UGT1A9: variants seen among roughly 807,000 people sequenced by gnomAD.
The protein encoded by UGT1A9 is UDP-glucuronosyltransferase 1A9.
A neutral mutation model predicts 45.0 loss-of-function variants in UGT1A9; 35 were observed. That is an observed-to-expected ratio of 0.78 (90% confidence interval 0.59 to 1.03). The LOEUF is 1.03. UGT1A9 is among the 50% of genes least tolerant of loss of function. The pLI is 0.00. For missense variants in UGT1A9, 687 were observed against 666.6 expected, an observed-to-expected ratio of 1.03 and a Z score of -0.34; for synonymous variants, 278 against 250.6, an observed-to-expected ratio of 1.11 and a Z score of -1.03.
intron 1 of UGT1A9, among the ~76,000 whole-genome samples, chr2:233,723,239 T>G (rs1575545383): frequency 9.2e-6 from 1 of 108,658 alleles, no homozygotes; most frequent in African/African-American, 4.5e-5. Context: ...TGAGTTGGAG[T>G]CCTGCTGTCA....
intron 1 of UGT1A9, among the ~76,000 whole-genome samples, chr2:233,724,704 C>T (rs867669613): frequency 2.8e-5 from 4 of 144,994 alleles, no homozygotes; most frequent in Non-Finnish European, 6.0e-5. Flanking sequence ...AGACGCTCCT[C>T]GCTTTCCAGA....
At chr2:233,706,491 C>T (rs1051285844) in intron 1 of UGT1A9, among the ~76,000 whole-genome samples, 1 of 152,182 alleles carries the variant, frequency 6.6e-6, no homozygotes, top group Non-Finnish European at 1.5e-5. Context: ...TGAGGGTGTC[C>T]AGGCTGGTGT....
At chr2:233,739,607 G>C (rs1198320819) in intron 1 of UGT1A9, among the ~76,000 whole-genome samples, 2 of 152,134 alleles carry the variant, frequency 1.3e-5, no homozygotes, top group Non-Finnish European at 2.9e-5. Context: ...CCTTTGTTTT[G>C]GCCAGTTTCT....
chr2:233,685,046 A>G (rs2125530867), intron 1 of UGT1A9, among the ~76,000 whole-genome samples: 1 of 151,978 alleles, frequency 6.6e-6, no homozygotes, highest in Non-Finnish European at 1.5e-5. Context: ...TTTGTGTGCA[A>G]TGTCTTAAGC....
At chr2:233,682,504 T>C (rs903531328) in intron 1 of UGT1A9, 4 of 1,613,870 alleles carry the variant, frequency 2.5e-6, no homozygotes, top group Non-Finnish European at 3.4e-6. Flanking sequence ...CTCTTTCCTA[T>C]GTCCCCAGAC....
intron 1 of UGT1A9, chr2:233,729,461 G>A: frequency 6.2e-7 from 1 of 1,614,132 alleles, no homozygotes; most frequent in South Asian, 1.1e-5. Flanking sequence ...AAATTTTTCA[G>A]AAGTATGGCA....
At chr2:233,743,902 G>A (rs770691045) in intron 1 of UGT1A9, 7 of 1,366,518 alleles carry the variant, frequency 5.1e-6, no homozygotes, top group South Asian at 1.1e-5. Context: ...CCAGCACCTC[G>A]TAGTAGTCCA....
At chr2:233,688,136 T>A (rs2074879208) in intron 1 of UGT1A9, among the ~76,000 whole-genome samples, 1 of 152,188 alleles carries the variant, frequency 6.6e-6, no homozygotes, top group Admixed American at 6.5e-5. Flanking sequence ...TTACTTTCTG[T>A]CTGTATGGAT....
chr2:233,767,858 CG>C lies in UGT1A9; in HGVS notation c.999del (p.Tyr334ThrfsTer29). The C allele has an allele frequency of 6.2e-7, 1 of 1,614,120 alleles. No individual in the cohort carries two copies. Among genetic ancestry groups the C allele is most frequent in the South Asian group, 1.1e-5 (1 of 91,080 alleles). On this transcript the variant is annotated frameshift_variant, in exon 3 of 5. Coordinates refer to ENST00000354728, the MANE Select transcript of UGT1A9 (RefSeq NM_021027.3). LOFTEE classifies it high-confidence loss of function. ...LGKIPQTVLW[R>X]YTGTRPSNLA... The stretch of plus-strand genomic sequence containing the variant: ...TTTTTGCCCCTCCCAGGTCCTGTGG[CG>C]GTACACTGGAACCCGACCATCGAAT...
chr2:233,714,538 C>T (rs945612338), intron 1 of UGT1A9, among the ~76,000 whole-genome samples: 18 of 152,120 alleles, frequency 1.2e-4, no homozygotes, highest in Non-Finnish European at 2.2e-4. Flanking sequence ...GGTCTAATAC[C>T]GAAGTGTCCA....
Position 233,769,243 on chromosome 2 carries a change from CA to C in UGT1A9, c.1295+807del. Among the ~76,000 whole-genome samples the C allele has an allele frequency of 6.6e-6, 1 of 152,264 alleles. No homozygotes were observed. The highest frequency in any genetic ancestry group is 1.9e-4 in the East Asian group (1 of 5,180). ...GAATAAGAGCAAAGGAAAATTTGCT[CA>C]AATGTGGCCCTGAAAACGATTCAAA... On this transcript the variant is annotated intron_variant, in intron 4 of 4. Coordinates refer to ENST00000354728, the MANE Select transcript of UGT1A9 (RefSeq NM_021027.3). The surrounding 1 kb of genome is among the most constrained non-coding windows in gnomAD (Gnocchi z 4.4).
chr2:233,707,789 G>A (rs2075987788), intron 1 of UGT1A9, among the ~76,000 whole-genome samples: 1 of 152,152 alleles, frequency 6.6e-6, no homozygotes, highest in African/African-American at 2.4e-5. Flanking sequence ...ATACCTAGGG[G>A]TGGAGCTGCT....
At chr2:233,696,543 T>G (rs1300972525) in intron 1 of UGT1A9, among the ~76,000 whole-genome samples, 2 of 152,234 alleles carry the variant, frequency 1.3e-5, no homozygotes, top group African/African-American at 4.8e-5. Context: ...TAAATTTTTC[T>G]GAATATATTA....
intron 1 of UGT1A9, among the ~76,000 whole-genome samples, chr2:233,700,067 T>C (rs1334883521): frequency 6.6e-6 from 1 of 152,186 alleles, no homozygotes; most frequent in Non-Finnish European, 1.5e-5. Flanking sequence ...CAGTGGTGTC[T>C]ACCCAGCAAG....
chr2:233,724,022 GC>G (rs2077155325), intron 1 of UGT1A9, among the ~76,000 whole-genome samples: 1 of 80,608 alleles, frequency 1.2e-5, no homozygotes, highest in Non-Finnish European at 2.3e-5. Flanking sequence ...TGTCATCCTG[GC>G]CCGTTCTCAA....
intron 1 of UGT1A9, chr2:233,729,153 G>T: frequency 6.2e-7 from 1 of 1,613,546 alleles, no homozygotes; most frequent in African/African-American, 1.3e-5. Context: ...AGGTTCCCCT[G>T]CCGTGGCTGG....
In UGT1A9 at chr2:233,724,875, G is replaced by T. The variant is rs4622712; in HGVS notation, c.856-42159G>T. Among the ~76,000 whole-genome samples, 5 of 115,660 alleles carry T rather than the reference G, an allele frequency of 4.3e-5. 1 individual carries two copies. The highest frequency in any genetic ancestry group is 3.3e-4 in the South Asian group (1 of 3,000). The allele number at this position is 115,660 out of a possible 152,430, so 75.9% of individuals were successfully genotyped here. The stretch of plus-strand genomic sequence containing the variant: ...CTGGGAGGTGTAGGTTGTAGTGAGC[G>T]GAGATCACGCCACTGCACTCCAGCC... On this transcript the variant is annotated intron_variant, in intron 1 of 4. Coordinates refer to ENST00000354728, the MANE Select transcript of UGT1A9 (RefSeq NM_021027.3).
chr2:233,732,755 G>GA (rs1553614027), intron 1 of UGT1A9, among the ~76,000 whole-genome samples: 1 of 120,226 alleles, frequency 8.3e-6, no homozygotes, highest in Non-Finnish European at 1.8e-5. Flanking sequence ...CACCAGCTTT[G>GA]TTTTTTTTTT....
At chr2:233,726,039 A>T (rs544093615) in intron 1 of UGT1A9, among the ~76,000 whole-genome samples, 9 of 152,100 alleles carry the variant, frequency 5.9e-5, no homozygotes, top group Admixed American at 1.3e-4. Flanking sequence ...GATGGCGCAC[A>T]CCTGTGGTCC....
Sources: allele counts gnomAD v4.1 joint callset (sites outside exome capture counted in the v4.1 genomes callset), GRCh38; gene constraint gnomAD v4.1.1; non-coding constraint Gnocchi (gnomAD v3.1); transcripts MANE v1.5; gene names NCBI Gene and HGNC (gene_info 2026-07-23, HGNC 2026-07-21).